STAM: variants seen among roughly 807,000 people sequenced by gnomAD.
The protein encoded by STAM is signal transducing adaptor molecule.
Under a neutral mutation model 63.4 loss-of-function variants are expected in STAM, and 16 were observed. The ratio of observed to expected loss-of-function variants is 0.25; its 90% CI spans 0.17 to 0.38. The LOEUF (loss-of-function observed/expected upper bound fraction) is 0.38. STAM is among the 10% of genes least tolerant of loss of function. The pLI is 1.00. For missense variants in STAM, 636 were observed against 657.1 expected, an observed-to-expected ratio of 0.97 and a Z score of 0.35; for synonymous variants, 238 against 223.9, an observed-to-expected ratio of 1.06 and a Z score of -0.56.
intron 13 of STAM, 73 bp from the exon 14 acceptor site, chr10:17,714,470 T>C (rs1836712187): frequency 3.6e-6 from 5 of 1,387,362 alleles, no homozygotes; most frequent in Non-Finnish European, 5.1e-6. Flanking sequence ...GCTTAGTAAA[T>C]AGCTTTTCCA....
chr10:17,671,139 C>T (rs1180914743), intron 2 of STAM, among the ~76,000 whole-genome samples: 3 of 152,146 alleles, frequency 2.0e-5, no homozygotes, highest in African/African-American at 4.8e-5. Context: ...TGCTGTGTGT[C>T]TGCTAGGTCC....
intron 2 of STAM, among the ~76,000 whole-genome samples, chr10:17,660,905 G>A (rs915337172): frequency 2.0e-5 from 3 of 152,130 alleles, no homozygotes; most frequent in African/African-American, 7.2e-5. Flanking sequence ...CTGGTAAAAA[G>A]TTGATGCTTT....
At chr10:17,704,299 T>G in intron 9 of STAM, 132 bp from the exon 10 acceptor site, 1 of 679,748 alleles carries the variant, frequency 1.5e-6, no homozygotes, top group Non-Finnish European at 2.5e-6. Context: ...CATGGGACAC[T>G]GACAACATAA....
intron 2 of STAM, among the ~76,000 whole-genome samples, chr10:17,679,780 A>G (rs1463394255): frequency 6.6e-6 from 1 of 150,940 alleles, no homozygotes; most frequent in Non-Finnish European, 1.5e-5. Context: ...TTTTTCTTTC[A>G]ACAGCTAAGC....
chr10:17,691,307 A>G (rs1376736560), intron 5 of STAM, among the ~76,000 whole-genome samples: 1 of 152,186 alleles, frequency 6.6e-6, no homozygotes, highest in Non-Finnish European at 1.5e-5. Flanking sequence ...TCACGAGGTC[A>G]GGAGATCGAG....
intron 2 of STAM, among the ~76,000 whole-genome samples, chr10:17,678,691 A>T (rs1293310915): frequency 6.6e-6 from 1 of 152,218 alleles, no homozygotes; most frequent in African/African-American, 2.4e-5. Context: ...TATTTAGTAC[A>T]TTCACAGTAT....
chr10:17,658,784 G>A (rs766483958), intron 1 of STAM, among the ~76,000 whole-genome samples: 8 of 152,094 alleles, frequency 5.3e-5, no homozygotes, highest in Non-Finnish European at 7.4e-5. Context: ...ACTGTGCCTG[G>A]CCTCATCCTT....
intron 1 of STAM, among the ~76,000 whole-genome samples, chr10:17,649,611 A>G (rs1432781789): frequency 6.6e-6 from 1 of 152,130 alleles, no homozygotes; most frequent in African/African-American, 2.4e-5. Context: ...CTCAAGAATT[A>G]TTTATCAAAT....
intron 5 of STAM, among the ~76,000 whole-genome samples, chr10:17,688,593 G>A (rs2131640269): frequency 6.6e-6 from 1 of 151,944 alleles, no homozygotes; most frequent in East Asian, 1.9e-4. Context: ...CTCCTGAGTA[G>A]CTGGGACTAC....
chr10:17,692,124 A>G (rs1835564315), intron 5 of STAM, among the ~76,000 whole-genome samples: 1 of 152,170 alleles, frequency 6.6e-6, no homozygotes, highest in Non-Finnish European at 1.5e-5. Flanking sequence ...CATTTTATTG[A>G]TGAGGAATTT....
intron 11 of STAM, 61 bp from the exon 12 acceptor site, chr10:17,705,527 A>G: frequency 3.2e-6 from 5 of 1,538,772 alleles, no homozygotes; most frequent in Non-Finnish European, 4.4e-6. Context: ...ATGTATCATT[A>G]TTTAGAGCAT....
At chr10:17,677,693 A>G (rs1248709506) in intron 2 of STAM, among the ~76,000 whole-genome samples, 2 of 152,330 alleles carry the variant, frequency 1.3e-5, no homozygotes, top group South Asian at 4.1e-4. Context: ...TAGGATTAAA[A>G]AAATTGAATG....
intron 8 of STAM, 82 bp from the exon 9 acceptor site, chr10:17,700,109 A>T: frequency 8.5e-7 from 1 of 1,179,700 alleles, no homozygotes; most frequent in Non-Finnish European, 1.2e-6. Flanking sequence ...AAAATCCCCA[A>T]ATCTCTCTTG....
rs970793697 is a variant in STAM at position 17,690,724 on chromosome 10, G to C, written c.445-2498G>C. ...TTCTAAGTATATTTTTTTCATCTGA[G>C]TACAGAAGAAAATAATGTAAAAATA... On this transcript the variant is annotated intron_variant, in intron 5 of 13. Transcript: ENST00000377524. Among the ~76,000 whole-genome samples, 3 of 152,012 alleles carry C rather than the reference G, an allele frequency of 2.0e-5. No homozygotes were observed. In the South Asian group the frequency reaches 6.2e-4, roughly 31 times the overall value.
intron 1 of STAM, among the ~76,000 whole-genome samples, chr10:17,656,292 TTA>T (rs1564529769): frequency 3.0e-5 from 4 of 134,432 alleles, no homozygotes; most frequent in Admixed American, 7.7e-5. Flanking sequence ...AGACTCCGTC[TTA>T]AAAAAAAAAA....
intron 8 of STAM, among the ~76,000 whole-genome samples, chr10:17,699,262 A>G (rs1367340601): frequency 6.6e-6 from 1 of 152,232 alleles, no homozygotes; most frequent in Non-Finnish European, 1.5e-5. Flanking sequence ...ATTGGAGGAA[A>G]TGTAATATTC....
chr10:17,660,197 A>G (rs1219461551), intron 1 of STAM, among the ~76,000 whole-genome samples: 1 of 152,188 alleles, frequency 6.6e-6, no homozygotes, highest in Non-Finnish European at 1.5e-5. Flanking sequence ...TGGTAGACCT[A>G]TATATAATTT....
chr10:17,685,099 T>G (rs1175456094), intron 4 of STAM, among the ~76,000 whole-genome samples, 172 bp downstream of exon 4: 1 of 152,262 alleles, frequency 6.6e-6, no homozygotes, highest in Non-Finnish European at 1.5e-5. Flanking sequence ...TGCGGATTCA[T>G]GTAACTTTGA....
At chr10:17,699,060 T>G (rs191818822) in intron 8 of STAM, among the ~76,000 whole-genome samples, 70 of 152,314 alleles carry the variant, frequency 4.6e-4, no homozygotes, top group Non-Finnish European at 8.7e-4. Context: ...ACCCAAGTGA[T>G]TGGACTTCAT....
Sources: gnomAD v4.1 joint callset for allele counts (sites outside exome capture counted in the v4.1 genomes callset) on GRCh38, gnomAD v4.1.1 for gene constraint, MANE v1.5 for transcripts, NCBI Gene and HGNC (gene_info 2026-07-23, HGNC 2026-07-21) for gene names.